Variants in XKR9 observed in about 807,000 individuals in gnomAD.
The protein encoded by XKR9 is XK related 9.
Under a neutral mutation model 32.0 loss-of-function variants are expected in XKR9, and 32 were observed. The observed-to-expected ratio is 1.00, with a 90% CI of 0.76 to 1.34. The LOEUF (loss-of-function observed/expected upper bound fraction) is 1.34. Ranked by LOEUF, XKR9 falls within the 40% of genes most tolerant of loss-of-function variation. XKR9 has a pLI of 0.00. For synonymous variants in XKR9, 168 were observed against 143.4 expected (o/e 1.17, Z -1.22); for missense variants, 546 against 429.7 (o/e 1.27, Z -2.39).
At chr8:70,684,873 AG>A (rs1160515753) in intron 3 of XKR9, among the ~76,000 whole-genome samples, 1 of 148,240 alleles carries the variant, frequency 6.7e-6, no homozygotes, top group Non-Finnish European at 1.5e-5. Context: ...GTGGAGAAAT[AG>A]GAACACTTTT....
the XKR9 span, among the ~76,000 whole-genome samples, chr8:70,862,280 G>A: frequency 6.6e-6 from 1 of 151,980 alleles, no homozygotes; most frequent in Non-Finnish European, 1.5e-5. Context: ...AGTCCATTTT[G>A]TGTGTGGCAT....
chr8:70,816,620 C>A, the XKR9 span, among the ~76,000 whole-genome samples: 30 of 152,128 alleles, frequency 2.0e-4, 1 homozygote, highest in Non-Finnish European at 2.5e-4. Flanking sequence ...ATCTTAAAAG[C>A]AGCTAGAGAA....
the XKR9 span, among the ~76,000 whole-genome samples, chr8:70,852,649 C>T: frequency 6.6e-6 from 1 of 152,094 alleles, no homozygotes; most frequent in African/African-American, 2.4e-5. Context: ...CATATATACA[C>T]CATGGAATAC....
chr8:70,808,479 G>T, the XKR9 span, among the ~76,000 whole-genome samples: 1 of 152,194 alleles, frequency 6.6e-6, no homozygotes, highest in Non-Finnish European at 1.5e-5. Context: ...CAACGAGCAT[G>T]AGCTGAAGCA....
chr8:70,749,536 T>C (rs1008304935), intron 2 of XKR9, among the ~76,000 whole-genome samples: 2 of 150,676 alleles, frequency 1.3e-5, no homozygotes, highest in East Asian at 3.9e-4. Context: ...AGTCGGCATC[T>C]GTGCCAGTGC....
At chr8:70,880,668 A>G in the XKR9 span, among the ~76,000 whole-genome samples, 1 of 152,230 alleles carries the variant, frequency 6.6e-6, no homozygotes, top group African/African-American at 2.4e-5. Context: ...GATAGGAAGA[A>G]TCAATATCAT....
At position 70,680,550 on chromosome 8, in the gene XKR9, G is replaced by A. The variant is rs567008073; in HGVS notation, c.-278-231G>A. Among the ~76,000 whole-genome samples the A allele has an allele frequency of 1.4e-4, 22 of 151,996 alleles. No individual in the cohort carries two copies. The South Asian group carries it at 3.5e-3, about 24-fold the overall frequency. On this transcript the variant is annotated intron_variant, in intron 2 of 4. Transcript: ENST00000408926. Reference sequence around the variant, plus strand: ...TTCCAGTTTGCCACTATAAATAGTCGTGTGATAAATTTCTTTGTGGGTAGG... The same window carrying A: ...TTCCAGTTTGCCACTATAAATAGTCATGTGATAAATTTCTTTGTGGGTAGG...
chr8:70,803,276 A>AT, the XKR9 span, among the ~76,000 whole-genome samples: 6 of 152,110 alleles, frequency 3.9e-5, no homozygotes, highest in South Asian at 2.1e-4. Context: ...CATGAAGAGA[A>AT]TTTTTTTAGC....
chr8:70,900,966 T>C, the XKR9 span, among the ~76,000 whole-genome samples: 1 of 152,226 alleles, frequency 6.6e-6, no homozygotes, highest in South Asian at 2.1e-4. Context: ...GCTTCATCCA[T>C]GTCCCTACGA....
chr8:70,725,715 G>A (rs1268318075), intron 4 of XKR9, among the ~76,000 whole-genome samples: 2 of 152,158 alleles, frequency 1.3e-5, no homozygotes, highest in African/African-American at 4.8e-5. Flanking sequence ...AGACCAGCCT[G>A]TCCAACATTG....
intron 2 of XKR9, among the ~76,000 whole-genome samples, chr8:70,748,635 T>G (rs902498350): frequency 5.9e-5 from 9 of 152,132 alleles, no homozygotes; most frequent in Non-Finnish European, 1.3e-4. Flanking sequence ...GATGGCATGT[T>G]GATGGTAGCA....
chr8:70,994,109 T>A, the XKR9 span, among the ~76,000 whole-genome samples: 48,444 of 152,022 alleles, frequency 0.32, 9,047 homozygotes, highest in Non-Finnish European at 0.43. Context: ...AAATTTTTTT[T>A]ATTTATAAGT....
At chr8:70,697,214 C>A (rs1047647364) in intron 3 of XKR9, among the ~76,000 whole-genome samples, 2 of 151,642 alleles carry the variant, frequency 1.3e-5, no homozygotes, top group Non-Finnish European at 2.9e-5. Flanking sequence ...GAACTTCCAA[C>A]ACTATGTTGA....
At chr8:70,730,155 T>C (rs1806614571) in intron 4 of XKR9, among the ~76,000 whole-genome samples, 1 of 152,090 alleles carries the variant, frequency 6.6e-6, no homozygotes, top group Admixed American at 6.6e-5. Flanking sequence ...TTGTCCTTCC[T>C]CCCCCTTTTT....
chr8:70,827,278 G>A, the XKR9 span, among the ~76,000 whole-genome samples: 4 of 152,090 alleles, frequency 2.6e-5, no homozygotes, highest in African/African-American at 9.7e-5. Context: ...GTTATAAAAT[G>A]CAGTTCCTAG....
chr8:70,772,136 T>C (rs891019472), intron 2 of XKR9, among the ~76,000 whole-genome samples: 15 of 152,196 alleles, frequency 9.9e-5, no homozygotes, highest in African/African-American at 3.4e-4. Flanking sequence ...TGTATTATCT[T>C]TGCATAATTA....
At chr8:70,746,112 A>C (rs952298864) in intron 2 of XKR9, among the ~76,000 whole-genome samples, 1 of 151,898 alleles carries the variant, frequency 6.6e-6, no homozygotes, top group African/African-American at 2.4e-5. Context: ...TATTTTGTGA[A>C]AGTGGGACTT....
chr8:70,773,198 C>G (rs1807476547), intron 2 of XKR9, among the ~76,000 whole-genome samples: 1 of 152,134 alleles, frequency 6.6e-6, no homozygotes, highest in Non-Finnish European at 1.5e-5. Context: ...AAGCAGTTTA[C>G]AAGTGTCTTT....
At chr8:70,823,362 C>T in the XKR9 span, among the ~76,000 whole-genome samples, 2 of 152,206 alleles carry the variant, frequency 1.3e-5, no homozygotes, top group African/African-American at 2.4e-5. Flanking sequence ...AATCACACCA[C>T]CACAGCTCTT....
Sources: gnomAD v4.1 joint callset for allele counts (sites outside exome capture counted in the v4.1 genomes callset) on GRCh38, gnomAD v4.1.1 for gene constraint, MANE v1.5 for transcripts, NCBI Gene and HGNC (gene_info 2026-07-23, HGNC 2026-07-21) for gene names.